The following PARP4 variants were observed in gnomAD, a reference collection of about 807,000 sequenced individuals.
The protein encoded by PARP4 is protein mono-ADP-ribosyltransferase PARP4.
Under a neutral mutation model 187.7 loss-of-function variants are expected in PARP4, and 120 were observed. That is an observed-to-expected ratio of 0.64 (90% CI 0.55 to 0.74). PARP4 has a LOEUF of 0.74. PARP4 is among the 30% of genes least tolerant of loss of function. The probability of loss-of-function intolerance (pLI) is 0.00; values close to 1 mark genes in which losing one functional copy is unlikely to be tolerated. For synonymous variants in PARP4, 654 were observed against 740.9 expected (o/e 0.88, Z 1.90); for missense variants, 1,836 against 2,070.5 (o/e 0.89, Z 2.20).
chr13:24,486,111 A>T, intron 11 of PARP4, 57 bp downstream of exon 11: 1 of 1,508,510 alleles, frequency 6.6e-7, no homozygotes, highest in African/African-American at 1.4e-5. Context: ...AAAAGAAGTA[A>T]AACACTTCAC....
intron 8 of PARP4, 56 bp from the exon 9 acceptor site, chr13:24,492,650 A>T: frequency 7.2e-7 from 1 of 1,380,004 alleles, no homozygotes; most frequent in Non-Finnish European, 1.0e-6. Context: ...GAAATTAAGG[A>T]GCATGCACAA....
chr13:24,471,518 A>C (rs1218543829), intron 15 of PARP4, among the ~76,000 whole-genome samples: 2 of 152,234 alleles, frequency 1.3e-5, no homozygotes, highest in Non-Finnish European at 2.9e-5. Context: ...TCCATTAGAT[A>C]AAACCATGAT....
chr13:24,425,722 C>A (rs569134687), intron 33 of PARP4, among the ~76,000 whole-genome samples: 1 of 152,044 alleles, frequency 6.6e-6, no homozygotes, highest in Non-Finnish European at 1.5e-5. Context: ...TTAGACCCTG[C>A]AACTCCAGCA....
At chr13:24,475,834 G>T (rs6490937) in intron 14 of PARP4, among the ~76,000 whole-genome samples, 76,984 of 151,440 alleles carry the variant, frequency 0.51, 19,889 homozygotes, top group South Asian at 0.65. Flanking sequence ...ACCCAAGTGG[G>T]AGTGCAGTGG....
chr13:24,439,557 GA>G (rs1204006911), intron 30 of PARP4, among the ~76,000 whole-genome samples: 2 of 152,070 alleles, frequency 1.3e-5, no homozygotes, highest in African/African-American at 2.4e-5. Flanking sequence ...TTTATTGTGG[GA>G]AAAATGTATA....
intron 31 of PARP4, among the ~76,000 whole-genome samples, chr13:24,434,161 T>C (rs1870481519): frequency 6.6e-6 from 1 of 152,258 alleles, no homozygotes; most frequent in Non-Finnish European, 1.5e-5. Context: ...TCTGGTCTAA[T>C]GTTTGTAGAG....
At chr13:24,510,087 A>G (rs2137557854) in intron 1 of PARP4, among the ~76,000 whole-genome samples, 1 of 152,336 alleles carries the variant, frequency 6.6e-6, no homozygotes, top group Middle Eastern at 3.4e-3. Context: ...ATTTAATGTT[A>G]TAGCCAGTTG....
intron 16 of PARP4, among the ~76,000 whole-genome samples, chr13:24,469,530 G>A (rs902152500): frequency 5.3e-5 from 8 of 151,628 alleles, no homozygotes; most frequent in East Asian, 1.9e-4. Context: ...ATTTCAGCTC[G>A]AACCCCTGAC....
intron 2 of PARP4, among the ~76,000 whole-genome samples, chr13:24,502,193 T>C (rs1453739568): frequency 1.3e-5 from 2 of 151,960 alleles, no homozygotes; most frequent in Admixed American, 1.3e-4. Context: ...TTATTTATTT[T>C]GATTTGTAAT....
chr13:24,488,052 C>T (rs1229877068), intron 10 of PARP4, among the ~76,000 whole-genome samples: 1 of 152,182 alleles, frequency 6.6e-6, no homozygotes, highest in Non-Finnish European at 1.5e-5. Context: ...TAACTTTTCA[C>T]AGCAGCAGGA....
At chr13:24,478,445 CT>C (rs531220379) in intron 12 of PARP4, among the ~76,000 whole-genome samples, 169 bp from the exon 13 acceptor site, 3 of 151,134 alleles carry the variant, frequency 2.0e-5, no homozygotes, top group Non-Finnish European at 4.4e-5. Flanking sequence ...AATATTTCTT[CT>C]TTTTTTTTAG....
chr13:24,505,793 G>A (rs1051215698), intron 1 of PARP4, among the ~76,000 whole-genome samples: 5 of 152,212 alleles, frequency 3.3e-5, no homozygotes, highest in South Asian at 2.1e-4. Context: ...CAGGCTCCCC[G>A]CAAAGTAAGC....
chr13:24,449,012 T>C (rs1199004787), intron 25 of PARP4, among the ~76,000 whole-genome samples: 1 of 152,130 alleles, frequency 6.6e-6, no homozygotes, highest in East Asian at 1.9e-4. Flanking sequence ...TAGTTTCTGT[T>C]TGGGCTGATG....
intron 32 of PARP4, among the ~76,000 whole-genome samples, chr13:24,428,316 C>A (rs756451452): frequency 2.0e-5 from 3 of 151,222 alleles, no homozygotes; most frequent in Non-Finnish European, 4.4e-5. Flanking sequence ...CCAGTCTGAA[C>A]ACTAAACCCT....
chr13:24,468,840 T>C (rs1207001730), intron 17 of PARP4, among the ~76,000 whole-genome samples, 184 bp downstream of exon 17: 1 of 152,214 alleles, frequency 6.6e-6, no homozygotes, highest in East Asian at 1.9e-4. Flanking sequence ...CTGATGCTGT[T>C]TCCTCCTTTG....
rs57015283 is a variant in PARP4, at chr13:24,455,480, AATAT to A, written c.2563-272_2563-269del. ...CATATAGCATCAACATTATGGAACA[AATAT>A]ATATATATATATATATATATATCAC... On this transcript the variant is annotated intron_variant, in intron 21 of 33. Coordinates refer to ENST00000381989, the MANE Select transcript of PARP4 (RefSeq NM_006437.4). Among the ~76,000 whole-genome samples, 41 of 108,414 alleles carry A rather than the reference AATAT, an allele frequency of 3.8e-4. 1 individual carries two copies. The highest frequency in any genetic ancestry group is 5.4e-4 in the African/African-American group (17 of 31,328). The allele number at this position is 108,414 out of a possible 152,430, so 71.1% of individuals were successfully genotyped here. A position where few individuals can be genotyped will look rare whatever the true frequency, so the allele number is the denominator to read the frequency against.
intron 12 of PARP4, among the ~76,000 whole-genome samples, chr13:24,479,939 G>A (rs559808549): frequency 1.1e-4 from 16 of 152,162 alleles, no homozygotes; most frequent in African/African-American, 2.4e-4. Context: ...CGAGCCCACC[G>A]GGAGGAACGA....
At position 24,493,750 on chromosome 13, in the gene PARP4, G is replaced by C; in HGVS notation, c.742-17C>G. On this transcript the variant is annotated splice_polypyrimidine_tract_variant and intron_variant, in intron 7 of 33. Coordinates refer to ENST00000381989, the MANE Select transcript of PARP4 (RefSeq NM_006437.4). ...CAAAAGCAACTACAATAATAAAATA[G>C]AAATGCCACCAAAAAGTCATCATGT... 1 of 1,612,468 alleles carries C rather than the reference G, an allele frequency of 6.2e-7. No individual in the cohort carries two copies. Among genetic ancestry groups the C allele is most frequent in the South Asian group, 1.1e-5 (1 of 90,954 alleles).
intron 7 of PARP4, 143 bp from the exon 8 acceptor site, chr13:24,493,876 C>T (rs1868801021): frequency 5.5e-6 from 4 of 722,724 alleles, no homozygotes; most frequent in African/African-American, 1.8e-5. Flanking sequence ...TAACTAAATC[C>T]TTTCTCTACT....
Sources: allele counts gnomAD v4.1 joint callset (sites outside exome capture counted in the v4.1 genomes callset), GRCh38; gene constraint gnomAD v4.1.1; transcripts MANE v1.5; gene names NCBI Gene and HGNC (gene_info 2026-07-23, HGNC 2026-07-21).